CFAP97D2: variants seen among roughly 807,000 people sequenced by gnomAD.
CFAP97D2 encodes uncharacterized protein CFAP97D2.
chr13:114,193,475 C>A (rs1485097523), intron 1 of CFAP97D2, among the ~76,000 whole-genome samples: 1 of 152,116 alleles, frequency 6.6e-6, no homozygotes, highest in African/African-American at 2.4e-5. Context: ...GATCTTCTTG[C>A]TGTGTCCTCA....
rs1054900175 is a variant in CFAP97D2 at position 114,211,184 on chromosome 13, A to G, written c.291-728A>G. On this transcript the variant is annotated intron_variant, in intron 3 of 4. Coordinates refer to ENST00000646158, the Ensembl canonical transcript of CFAP97D2. The surrounding 1 kb of genome is among the most constrained non-coding windows in gnomAD (Gnocchi z 4.2). ...CTCTGTGCTCCACAGCCAGGGTCAA[A>G]CCCCTACTCTAGGCGCTTCCGCAGC... 2.0e-5 allele frequency among the ~76,000 whole-genome samples: 3 copies of G among 151,962 alleles called. No homozygotes were observed. The highest frequency in any genetic ancestry group is 4.8e-5 in the African/African-American group (2 of 41,358).
chr13:114,195,503 G>A (rs1223200344), intron 1 of CFAP97D2, among the ~76,000 whole-genome samples: 2 of 152,156 alleles, frequency 1.3e-5, no homozygotes, highest in Non-Finnish European at 2.9e-5. Flanking sequence ...GTCGCCTTCA[G>A]GTTATCCGTG....
chr13:114,206,659 G>C (rs1373075601), intron 3 of CFAP97D2, among the ~76,000 whole-genome samples: 1 of 152,210 alleles, frequency 6.6e-6, no homozygotes, highest in African/African-American at 2.4e-5. Context: ...TAAGGCAAGG[G>C]TATGGAGGGG....
Position 114,198,732 on chromosome 13 carries a change from T to C in CFAP97D2, c.172-1593T>C, listed in dbSNP as rs1212051840. On this transcript the variant is annotated intron_variant, in intron 2 of 4. Coordinates refer to ENST00000646158, the Ensembl canonical transcript of CFAP97D2. ...TGAGGGGTGACGGCGCGTCCCCGTG[T>C]GTACAGTCCCCGCTGAGGGGTGACG... Among the ~76,000 whole-genome samples the C allele has an allele frequency of 3.6e-3, 182 of 50,432 alleles. 3 individuals carry two copies. The highest frequency in any genetic ancestry group is 5.6e-3 in the African/African-American group (30 of 5,318). The allele number at this position is 50,432 out of a possible 152,430, so 33.1% of individuals were successfully genotyped here.
At chr13:114,194,900 G>C (rs1260934671) in intron 1 of CFAP97D2, among the ~76,000 whole-genome samples, 1 of 152,176 alleles carries the variant, frequency 6.6e-6, no homozygotes, top group Non-Finnish European at 1.5e-5. Context: ...CTTCTAGAAA[G>C]CTCTGTGTAG....
Position 114,203,585 on chromosome 13 carries a change from A to G in CFAP97D2, c.290+3142A>G, listed in dbSNP as rs2080927734. ...GAACACATTGAAGGGTGAGTAGAGC[A>G]GGATTTTCTTGGGTGACAAGGGAAA... On this transcript the variant is annotated intron_variant, in intron 3 of 4. Coordinates refer to ENST00000646158, the Ensembl canonical transcript of CFAP97D2. This position sits in a 1 kb window ranked among gnomAD's most constrained non-coding sequence, Gnocchi z 4.3. Among the ~76,000 whole-genome samples, 1 of 152,258 alleles carries G rather than the reference A, an allele frequency of 6.6e-6. No individual in the cohort carries two copies. The highest frequency in any genetic ancestry group is 1.5e-5 in the Non-Finnish European group (1 of 68,048).
Position 114,211,121 on chromosome 13 carries a change from C to A in CFAP97D2, c.291-791C>A, listed in dbSNP as rs1423071215. 6.6e-6 allele frequency among the ~76,000 whole-genome samples: 1 copy of A among 152,204 alleles called. No individual in the cohort carries two copies. The highest frequency in any genetic ancestry group is 1.5e-5 in the Non-Finnish European group (1 of 68,046). On this transcript the variant is annotated intron_variant, in intron 3 of 4. Transcript: ENST00000646158. This position sits in a 1 kb window ranked among gnomAD's most constrained non-coding sequence, Gnocchi z 4.2. ...ACAAATCTCCCTAGTTCACCAAACTCTCAGCCCTAACCCTGGTGGGTTCTT... is the reference window on the plus strand; with the variant it reads ...ACAAATCTCCCTAGTTCACCAAACTATCAGCCCTAACCCTGGTGGGTTCTT...
At chr13:114,182,249 T>C (rs2080836696) in intron 1 of CFAP97D2, among the ~76,000 whole-genome samples, 1 of 151,438 alleles carries the variant, frequency 6.6e-6, no homozygotes, top group Non-Finnish European at 1.5e-5. Flanking sequence ...GCCAGATTTA[T>C]GTTTCTCTCC....
rs2080853171 is a variant in CFAP97D2 at position 114,186,307 on chromosome 13, A to C, written c.90+6887A>C. Reference sequence around the variant, plus strand: ...CTACCCTCTCTACTGAGAGCTGAACACTTGTCAGGATACCGTGGCTATGGA... The same window carrying C: ...CTACCCTCTCTACTGAGAGCTGAACCCTTGTCAGGATACCGTGGCTATGGA... On this transcript the variant is annotated intron_variant, in intron 1 of 4. Coordinates refer to ENST00000646158, the Ensembl canonical transcript of CFAP97D2. This position sits in a 1 kb window ranked among gnomAD's most constrained non-coding sequence, Gnocchi z 4.3. 6.6e-6 allele frequency among the ~76,000 whole-genome samples: 1 copy of C among 152,118 alleles called. No homozygotes were observed. Among genetic ancestry groups the C allele is most frequent in the Non-Finnish European group, 1.5e-5 (1 of 68,018 alleles).
intron 3 of CFAP97D2, among the ~76,000 whole-genome samples, chr13:114,205,084 T>C (rs1245912522): frequency 6.6e-6 from 1 of 152,186 alleles, no homozygotes; most frequent in Non-Finnish European, 1.5e-5. Context: ...CTTAGCATCA[T>C]TCATCATCAA....
At chr13:114,182,171 ACG>A in intron 1 of CFAP97D2, among the ~76,000 whole-genome samples, 3 of 134,438 alleles carry the variant, frequency 2.2e-5, no homozygotes, top group African/African-American at 9.8e-5. Flanking sequence ...TCAGCAAAAA[ACG>A]TGAGCAAAAG....
chr13:114,210,893 T>C (rs898307194), intron 3 of CFAP97D2, among the ~76,000 whole-genome samples: 4 of 115,498 alleles, frequency 3.5e-5, no homozygotes, highest in Non-Finnish European at 5.3e-5. Flanking sequence ...CACACACACT[T>C]TAATGGCTCT....
At chr13:114,192,619 A>C (rs1332093363) in intron 1 of CFAP97D2, among the ~76,000 whole-genome samples, 1 of 152,246 alleles carries the variant, frequency 6.6e-6, no homozygotes, top group Non-Finnish European at 1.5e-5. Context: ...TTTATGAAGC[A>C]AATAGGAGAC....
At chr13:114,208,165 G>A (rs1322974651) in intron 3 of CFAP97D2, among the ~76,000 whole-genome samples, 1 of 152,144 alleles carries the variant, frequency 6.6e-6, no homozygotes, top group Non-Finnish European at 1.5e-5. Flanking sequence ...TATAAAATAG[G>A]AACTCCTGTG....
intron 1 of CFAP97D2, among the ~76,000 whole-genome samples, chr13:114,190,715 T>C (rs2080866452): frequency 2.0e-5 from 3 of 152,270 alleles, no homozygotes; most frequent in African/African-American, 7.2e-5. Flanking sequence ...ATTTGATCTA[T>C]AGATTCAATG....
intron 4 of CFAP97D2, among the ~76,000 whole-genome samples, chr13:114,219,342 T>C (rs986372734): frequency 6.6e-6 from 1 of 152,244 alleles, no homozygotes; most frequent in African/African-American, 2.4e-5. Flanking sequence ...CATTTCTGGC[T>C]CTTTTGTTTT....
intron 4 of CFAP97D2, among the ~76,000 whole-genome samples, chr13:114,216,860 T>C (rs1029407215): frequency 2.0e-5 from 3 of 152,210 alleles, no homozygotes; most frequent in South Asian, 2.1e-4. Flanking sequence ...CTTGAGGAAT[T>C]GCCACACTGT....
chr13:114,182,120 A>C (rs1028276637), intron 1 of CFAP97D2, among the ~76,000 whole-genome samples: 4 of 150,016 alleles, frequency 2.7e-5, no homozygotes, highest in Admixed American at 6.6e-5. Context: ...TTTCAGCAAA[A>C]AGGAAAGTAG....
At chr13:114,206,959 A>C (rs998410006) in intron 3 of CFAP97D2, among the ~76,000 whole-genome samples, 6 of 152,156 alleles carry the variant, frequency 3.9e-5, no homozygotes, top group African/African-American at 1.4e-4. Flanking sequence ...ATCAGGGAGG[A>C]GTTCTTGCCT....
Sources: allele counts gnomAD v4.1 joint callset (sites outside exome capture counted in the v4.1 genomes callset), GRCh38; gene constraint gnomAD v4.1.1; non-coding constraint Gnocchi (gnomAD v3.1); transcripts MANE v1.5; gene names NCBI Gene and HGNC (gene_info 2026-07-23, HGNC 2026-07-21).